Variants in PLCG1 observed in about 807,000 individuals in gnomAD.
PLCG1 encodes the protein 1-phosphatidylinositol 4,5-bisphosphate phosphodiesterase gamma-1.
In PLCG1, 71 loss-of-function variants were observed where a neutral mutation model predicts 177.8. The ratio of observed to expected loss-of-function variants is 0.40; its 90% CI spans 0.33 to 0.49. PLCG1 has a LOEUF of 0.49. Ranked by LOEUF, PLCG1 falls within the 20% of genes least tolerant of loss-of-function variation. PLCG1 has a pLI of 0.72. For missense variants in PLCG1, 1,281 were observed against 1,709.0 expected, an observed-to-expected ratio of 0.75 and a Z score of 4.42; for synonymous variants, 658 against 647.9, an observed-to-expected ratio of 1.02 and a Z score of -0.24.
intron 4 of PLCG1, 77 bp from the exon 5 acceptor site, chr20:41,162,375 C>T (rs2035536394): frequency 9.1e-7 from 1 of 1,094,562 alleles, no homozygotes; most frequent in Non-Finnish European, 1.4e-6. Flanking sequence ...CCTGTCCAGC[C>T]CCAGGTGGGC....
At position 41,147,246 on chromosome 20, in the gene PLCG1, T is replaced by C. The variant is rs2035023854; in HGVS notation, c.217+9388T>C. Among the ~76,000 whole-genome samples the C allele has an allele frequency of 1.3e-5, 2 of 152,054 alleles. No homozygotes were observed. Among genetic ancestry groups the C allele is most frequent in the Admixed American group, 1.3e-4 (2 of 15,278 alleles). ...GTTCTTAGCATATCTACCAAGGAGG[T>C]TGGAAAAGGTAACATATGTCACTTT... On this transcript the variant is annotated intron_variant, in intron 1 of 31. Coordinates refer to ENST00000685551, the MANE Select transcript of PLCG1 (RefSeq NM_002660.3). This position sits in a 1 kb window ranked among gnomAD's most constrained non-coding sequence, Gnocchi z 4.0.
At position 41,162,982 on chromosome 20, in the gene PLCG1, A is replaced by C. The variant is rs2035561626; in HGVS notation, c.706A>C (p.Ser236Arg). Reference sequence around the variant, plus strand: ...GATGGACCTCCCCTTCTTGGAAGCCAGTACTCTGAGGTTTGGTTTGGAGTG... The same window carrying C: ...GATGGACCTCCCCTTCTTGGAAGCCCGTACTCTGAGGTTTGGTTTGGAGTG... Reference protein sequence around the residue: ...KTMDLPFLEASTLRAGERPEL... With the variant: ...KTMDLPFLEARTLRAGERPEL... The change falls in exon 7 of 32, where the codon AGT becomes CGT. Residue 236 changes from serine (S) to arginine (R), a missense_variant. Coordinates refer to ENST00000685551, the MANE Select transcript of PLCG1 (RefSeq NM_002660.3). 1 of 1,614,042 alleles carries C rather than the reference A, an allele frequency of 6.2e-7. No individual in the cohort carries two copies. The highest frequency in any genetic ancestry group is 1.7e-4 in the Middle Eastern group (1 of 6,060).
chr20:41,169,594 T>C, intron 23 of PLCG1, 68 bp downstream of exon 23: 4 of 1,262,234 alleles, frequency 3.2e-6, no homozygotes, highest in Non-Finnish European at 4.6e-6. Flanking sequence ...ATCTCTTTCC[T>C]GCTCCTAGGG....
chr20:41,165,983 C>A lies in PLCG1; in HGVS notation c.1799+157C>A. 1.4e-6 allele frequency: 1 copy of A among 706,228 alleles called. No homozygotes were observed. Among genetic ancestry groups the A allele is most frequent in the Non-Finnish European group, 2.3e-6 (1 of 433,776 alleles). The allele number at this position is 706,228 out of a possible 1,614,324, so 43.7% of individuals were successfully genotyped here. A position where few individuals can be genotyped will look rare whatever the true frequency, so the allele number is the denominator to read the frequency against. ...TCACCTACATACACACACACACTCTCTGTCTCACCCCCCCCCCATACCCCT... is the reference window on the plus strand; with the variant it reads ...TCACCTACATACACACACACACTCTATGTCTCACCCCCCCCCCATACCCCT... On this transcript the variant is annotated intron_variant, in intron 16 of 31. Coordinates refer to ENST00000685551, the MANE Select transcript of PLCG1 (RefSeq NM_002660.3). The surrounding 1 kb of genome is among the most constrained non-coding windows in gnomAD (Gnocchi z 6.6).
At position 41,137,893 on chromosome 20, in the gene PLCG1, G is replaced by C; in HGVS notation, c.217+35G>C. ...CCCACTTCCTGCCTGGGCCCGCCCC[G>C]CGCGGGGGTCGTGGGAGCCCGGCCC... On this transcript the variant is annotated intron_variant, in intron 1 of 31. Coordinates refer to ENST00000685551, the MANE Select transcript of PLCG1 (RefSeq NM_002660.3). The surrounding 1 kb of genome is among the most constrained non-coding windows in gnomAD (Gnocchi z 7.3). 1 of 1,229,322 alleles carries C rather than the reference G, an allele frequency of 8.1e-7. No homozygotes were observed. Among genetic ancestry groups the C allele is most frequent in the South Asian group, 4.0e-5 (1 of 24,738 alleles). The allele number at this position is 1,229,322 out of a possible 1,614,324, so 76.2% of individuals were successfully genotyped here.
intron 1 of PLCG1, among the ~76,000 whole-genome samples, chr20:41,140,989 C>A (rs2034806993): frequency 6.6e-6 from 1 of 152,208 alleles, no homozygotes; most frequent in Non-Finnish European, 1.5e-5. Context: ...CTCTGTGAGA[C>A]ACCTTTGTGC....
chr20:41,171,163 C>G (rs2035883970), intron 24 of PLCG1, among the ~76,000 whole-genome samples: 5 of 152,158 alleles, frequency 3.3e-5, no homozygotes, highest in Admixed American at 2.0e-4. Context: ...GGAGAGGGCA[C>G]CCGCAAGCCA....
Position 41,162,744 on chromosome 20 carries a change from C to G in PLCG1, c.681+19C>G, listed in dbSNP as rs762656453. ...GAAGACGGTGCATGAGCCACCTGCC[C>G]TCCCTCAACCCCTGCCCCTGCTCTT... On this transcript the variant is annotated intron_variant, in intron 6 of 31. Transcript: ENST00000685551. 1 of 1,588,596 alleles carries G rather than the reference C, an allele frequency of 6.3e-7. No individual in the cohort carries two copies. Among genetic ancestry groups the G allele is most frequent in the South Asian group, 1.1e-5 (1 of 88,692 alleles).
chr20:41,163,646 C>T lies in PLCG1; in HGVS notation c.892-69C>T, dbSNP rs2035588157. The T allele has an allele frequency of 8.4e-7, 1 of 1,197,380 alleles. No individual in the cohort carries two copies. The highest frequency in any genetic ancestry group is 1.2e-6 in the Non-Finnish European group (1 of 802,758). 74.2% of individuals were successfully genotyped at this position (1,197,380 alleles called of 1,614,324 possible). A position where few individuals can be genotyped will look rare whatever the true frequency, so the allele number is the denominator to read the frequency against. The stretch of plus-strand genomic sequence containing the variant: ...GACAGAGCACTCTCTCTCCTACCCC[C>T]AACCTACCATCTTGGGTTGGACAGG... On this transcript the variant is annotated intron_variant, in intron 9 of 31. Coordinates refer to ENST00000685551, the MANE Select transcript of PLCG1 (RefSeq NM_002660.3). The surrounding 1 kb of genome is among the most constrained non-coding windows in gnomAD (Gnocchi z 5.2).
Position 41,160,084 on chromosome 20 carries a change from CA to C in PLCG1, c.465-21del. 6.2e-7 allele frequency: 1 copy of C among 1,613,780 alleles called. No individual in the cohort carries two copies. The highest frequency in any genetic ancestry group is 8.5e-7 in the Non-Finnish European group (1 of 1,179,644). On this transcript the variant is annotated intron_variant, in intron 3 of 31. Coordinates refer to ENST00000685551, the MANE Select transcript of PLCG1 (RefSeq NM_002660.3). The surrounding 1 kb of genome is among the most constrained non-coding windows in gnomAD (Gnocchi z 5.5). ...TGACTGTAGATGGAGAAGTGGCCCT[CA>C]CCTCAGGCTTCTCTCTCCAGGTGGC... is the stretch of plus-strand genomic sequence containing the variant.
chr20:41,170,000 A>G (rs1568755250), intron 23 of PLCG1, 112 bp from the exon 24 acceptor site: 7 of 973,844 alleles, frequency 7.2e-6, no homozygotes, highest in Non-Finnish European at 1.1e-5. Context: ...GGGGTGTGGG[A>G]AGGAGGAAAT....
rs34130768 is a variant in PLCG1 at position 41,167,085 on chromosome 20, T to C, written c.2301+226T>C. Among the ~76,000 whole-genome samples the C allele has an allele frequency of 2.0e-5, 3 of 152,196 alleles. No individual in the cohort carries two copies. Among genetic ancestry groups the C allele is most frequent in the African/African-American group, 7.2e-5 (3 of 41,536 alleles). ...TGGGGACAGGCACATAAGCAGAGGGTTCCTCATGAGTCAAGATGTGGAGTG... is the reference window on the plus strand; with the variant it reads ...TGGGGACAGGCACATAAGCAGAGGGCTCCTCATGAGTCAAGATGTGGAGTG... On this transcript the variant is annotated intron_variant, in intron 19 of 31. Transcript: ENST00000685551. The surrounding 1 kb of genome is among the most constrained non-coding windows in gnomAD (Gnocchi z 4.4).
Position 41,164,942 on chromosome 20 carries a change from C to T in PLCG1, c.1227C>T (p.Val409=), listed in dbSNP as rs1198957048. The T allele has an allele frequency of 6.2e-7, 1 of 1,613,784 alleles. No homozygotes were observed. Among genetic ancestry groups the T allele is most frequent in the Non-Finnish European group, 8.5e-7 (1 of 1,179,754 alleles). The change falls in exon 13 of 32, where the codon GTC becomes GTT. Residue 409 remains valine (V), a synonymous_variant. Transcript: ENST00000685551. This position sits in a 1 kb window ranked among gnomAD's most constrained non-coding sequence, Gnocchi z 6.4. ...EHAFVASEYP[V]ILSIEDHCSI... is the part of the protein sequence containing the mutation. ...GTCCCCCATCCCGCAGGTACCCAGT[C>T]ATCCTGTCCATTGAGGACCACTGCA...
At chr20:41,169,749 G>C (rs918483901) in intron 23 of PLCG1, 1 of 581,278 alleles carries the variant, frequency 1.7e-6, no homozygotes, top group Non-Finnish European at 3.1e-6. Context: ...TGGGGAACCC[G>C]TCAGAATCAG....
At chr20:41,140,191 G>A (rs2034775562) in intron 1 of PLCG1, among the ~76,000 whole-genome samples, 1 of 152,188 alleles carries the variant, frequency 6.6e-6, no homozygotes, top group Admixed American at 6.5e-5. Flanking sequence ...GGCAGAGGAT[G>A]TAGGAGGACC....
chr20:41,161,414 A>G (rs932443360), intron 4 of PLCG1, among the ~76,000 whole-genome samples: 1 of 152,142 alleles, frequency 6.6e-6, no homozygotes, highest in Non-Finnish European at 1.5e-5. Flanking sequence ...AAGCAGGGGC[A>G]AGACAGGTGT....
Sources: gnomAD v4.1 joint callset for allele counts (sites outside exome capture counted in the v4.1 genomes callset) on GRCh38, gnomAD v4.1.1 for gene constraint, Gnocchi (gnomAD v3.1) non-coding constraint, MANE v1.5 for transcripts, NCBI Gene and HGNC (gene_info 2026-07-23, HGNC 2026-07-21) for gene names.